DMD: variants seen among roughly 807,000 people sequenced by gnomAD.
DMD encodes mutant dystrophin.
A neutral mutation model predicts 330.1 loss-of-function variants in DMD; 63 were observed. The observed-to-expected ratio is 0.19, with a 90% CI of 0.16 to 0.24. DMD has a LOEUF of 0.24. DMD is among the 10% of genes least tolerant of loss of function. The pLI, the probability that DMD is intolerant of heterozygous loss-of-function variation, is 1.00. For missense variants in DMD, 3,344 were observed against 2,684.1 expected, an observed-to-expected ratio of 1.25 and a Z score of -5.43; for synonymous variants, 1,223 against 959.8, an observed-to-expected ratio of 1.27 and a Z score of -5.07.
chrX:31,266,899 C>A, intron 62 of DMD: 1 of 1,186,031 alleles, frequency 8.4e-7, no homozygotes, highest in Non-Finnish European at 1.1e-6. Flanking sequence ...CGCCGGGCTC[C>A]CCGAAAGTGG....
At chrX:31,285,623 T>C (rs939363655) in intron 62 of DMD, among the ~76,000 whole-genome samples, 3 of 111,880 alleles carry the variant, frequency 2.7e-5, no homozygotes, top group Non-Finnish European at 3.8e-5. Flanking sequence ...TTCAGTCTTT[T>C]GTGCTTCCAA....
chrX:32,100,188 G>T (rs1012863882), intron 44 of DMD, among the ~76,000 whole-genome samples: 5 of 110,193 alleles, frequency 4.5e-5, no homozygotes, highest in African/African-American at 1.6e-4. Flanking sequence ...ATCCCCAGAA[G>T]AAACTGCTAT....
At chrX:32,690,788 C>T (rs531351151) in intron 9 of DMD, among the ~76,000 whole-genome samples, 4 of 102,346 alleles carry the variant, frequency 3.9e-5, no homozygotes, top group South Asian at 3.8e-4. Flanking sequence ...TGGATATCCA[C>T]GTGCAAAATA....
chrX:32,732,011 TG>T (rs2067746155), intron 7 of DMD, among the ~76,000 whole-genome samples: 1 of 111,143 alleles, frequency 9.0e-6, no homozygotes, highest in South Asian at 3.8e-4. Context: ...TTGAAAACTT[TG>T]AAAAACATTT....
chrX:32,627,308 C>G (rs1416671984), intron 11 of DMD, among the ~76,000 whole-genome samples: 1 of 103,475 alleles, frequency 9.7e-6, no homozygotes, highest in Non-Finnish European at 1.9e-5. Context: ...GATCAGGATG[C>G]ACAAACATGC....
intron 27 of DMD, 80 bp downstream of exon 27, chrX:32,448,376 A>G: frequency 9.1e-7 from 1 of 1,096,572 alleles, no homozygotes; most frequent in Non-Finnish European, 1.3e-6. Context: ...TTGCACTGGT[A>G]TCCATGTTCT....
At position 31,628,736 on chromosome X, in the gene DMD, T is replaced by TTAAAA. The variant is rs753080170; in HGVS notation, c.8028-879_8028-875dup. Among the ~76,000 whole-genome samples, 737 of 110,080 alleles carry TTAAAA rather than the reference T, an allele frequency of 6.7e-3. 5 individuals carry two copies. The highest frequency in any genetic ancestry group is 0.023 in the African/African-American group (709 of 30,328). The stretch of plus-strand genomic sequence containing the variant: ...GCAATATCTATTGCTGTGATGAGAA[T>TTAAAA]TAAAATAAAAAATTCCTGTGAAGTT... On this transcript the variant is annotated intron_variant, in intron 54 of 78. Coordinates refer to ENST00000357033, the MANE Select transcript of DMD (RefSeq NM_004006.3).
At chrX:32,098,729 C>T (rs1043167926) in intron 44 of DMD, among the ~76,000 whole-genome samples, 1 of 111,738 alleles carries the variant, frequency 8.9e-6, no homozygotes, top group South Asian at 3.8e-4. Context: ...TCTCCCGGGG[C>T]TAAATATGAT....
intron 1 of DMD, among the ~76,000 whole-genome samples, chrX:33,239,029 G>A (rs2052537270): frequency 9.1e-6 from 1 of 109,533 alleles, no homozygotes; most frequent in Admixed American, 9.8e-5. Context: ...GGCTGAGGGG[G>A]TTAGATCACT....
intron 17 of DMD, among the ~76,000 whole-genome samples, chrX:32,542,290 G>A (rs1262452777): frequency 9.0e-6 from 1 of 111,495 alleles, no homozygotes; most frequent in African/African-American, 3.3e-5. Context: ...AAAATTAGCC[G>A]GATGTGGTGG....
At chrX:33,310,557 T>A (rs947641924) in intron 1 of DMD, among the ~76,000 whole-genome samples, 2 of 111,254 alleles carry the variant, frequency 1.8e-5, no homozygotes, top group African/African-American at 3.2e-5. Context: ...TCTTTAAAAT[T>A]TGGATTACAA....
At chrX:31,803,394 A>G (rs2092153151) in intron 50 of DMD, among the ~76,000 whole-genome samples, 1 of 112,354 alleles carries the variant, frequency 8.9e-6, no homozygotes, top group African/African-American at 3.2e-5. Context: ...ATTTTCTTTT[A>G]CAGTGAAATC....
intron 52 of DMD, among the ~76,000 whole-genome samples, chrX:31,710,468 G>A (rs891870533): frequency 2.7e-5 from 3 of 110,943 alleles, no homozygotes; most frequent in Admixed American, 9.6e-5. Flanking sequence ...ATCTAGAATA[G>A]TAAAGATGGG....
chrX:33,044,112 C>T (rs1317253304), intron 1 of DMD, among the ~76,000 whole-genome samples: 1 of 111,225 alleles, frequency 9.0e-6, no homozygotes, highest in Non-Finnish European at 1.9e-5. Flanking sequence ...TCCAGTCAGC[C>T]CATTTAATTT....
intron 2 of DMD, among the ~76,000 whole-genome samples, chrX:32,966,635 A>T (rs2092167190): frequency 8.9e-6 from 1 of 111,746 alleles, no homozygotes; most frequent in South Asian, 3.7e-4. Flanking sequence ...ATGCAGACTG[A>T]AAGAACCAAG....
intron 1 of DMD, among the ~76,000 whole-genome samples, chrX:33,034,829 G>A (rs759707010): frequency 8.9e-6 from 1 of 111,804 alleles, no homozygotes; most frequent in Non-Finnish European, 1.9e-5. Flanking sequence ...TTTCTCATCT[G>A]TAAAATAGGT....
intron 25 of DMD, among the ~76,000 whole-genome samples, chrX:32,461,765 C>T (rs1188404505): frequency 9.1e-6 from 1 of 109,749 alleles, no homozygotes; most frequent in African/African-American, 3.3e-5. Context: ...TTCACACTGG[C>T]CTTCCAGGAA....
chrX:31,884,715 TTATTTCACAATATGTGA>T (rs777954234), intron 47 of DMD, among the ~76,000 whole-genome samples: 187 of 112,112 alleles, frequency 1.7e-3, no homozygotes, highest in African/African-American at 4.9e-3. Context: ...TCCGCAATGT[TTATTTCACAATATGTGA>T]TATTTCACAA....
intron 5 of DMD, among the ~76,000 whole-genome samples, chrX:32,821,310 C>T (rs767714839): frequency 2.8e-4 from 31 of 111,443 alleles, no homozygotes; most frequent in Non-Finnish European, 5.1e-4. Flanking sequence ...TCAAGCCGGG[C>T]GCAGTGGCTC....
Sources: allele counts gnomAD v4.1 joint callset (sites outside exome capture counted in the v4.1 genomes callset), GRCh38; gene constraint gnomAD v4.1.1; transcripts MANE v1.5; gene names NCBI Gene and HGNC (gene_info 2026-07-23, HGNC 2026-07-21).